LIG1: variants seen among roughly 807,000 people sequenced by gnomAD.
LIG1 encodes the protein DNA ligase 1, also known as ligase I, DNA, ATP-dependent.
A neutral mutation model predicts 115.7 loss-of-function variants in LIG1; 70 were observed. That is an observed-to-expected ratio of 0.60 (90% CI 0.50 to 0.74). The LOEUF is 0.74. Ranked by LOEUF, LIG1 falls within the 30% of genes least tolerant of loss-of-function variation. LIG1 has a pLI of 0.00. For synonymous variants in LIG1, 487 were observed against 495.3 expected, an observed-to-expected ratio of 0.98 and a Z score of 0.22; for missense variants, 1,115 against 1,225.6, an observed-to-expected ratio of 0.91 and a Z score of 1.35.
At chr19:48,130,132 T>C (rs2033921908) in intron 19 of LIG1, among the ~76,000 whole-genome samples, 1 of 152,218 alleles carries the variant, frequency 6.6e-6, no homozygotes, top group Admixed American at 6.5e-5. Flanking sequence ...GTGTATGAAC[T>C]TTTCAAAACT....
chr19:48,161,266 C>A, intron 4 of LIG1, 106 bp downstream of exon 4: 1 of 1,517,024 alleles, frequency 6.6e-7, no homozygotes, highest in Non-Finnish European at 9.2e-7. Flanking sequence ...CTACCTCTCC[C>A]GGGCAATTTC....
At chr19:48,140,602 C>T (rs557593967) in intron 11 of LIG1, among the ~76,000 whole-genome samples, 1 of 152,160 alleles carries the variant, frequency 6.6e-6, no homozygotes, top group Non-Finnish European at 1.5e-5. Context: ...GGTCACGCAG[C>T]CTCTGGCTTC....
intron 25 of LIG1, 71 bp from the exon 26 acceptor site, chr19:48,117,852 TG>T: frequency 6.4e-7 from 1 of 1,559,010 alleles, no homozygotes; most frequent in Non-Finnish European, 8.8e-7. Flanking sequence ...GTTGGAGGGC[TG>T]GGGAGAGGGA....
At chr19:48,141,652 G>A (rs761044807) in intron 11 of LIG1, among the ~76,000 whole-genome samples, 1 of 152,252 alleles carries the variant, frequency 6.6e-6, no homozygotes, top group Non-Finnish European at 1.5e-5. Context: ...AACGAAAACC[G>A]TGTTTCTGTC....
intron 18 of LIG1, 115 bp from the exon 19 acceptor site, chr19:48,131,286 C>T: frequency 1.3e-6 from 1 of 749,804 alleles, no homozygotes. Flanking sequence ...GGAGGAGGAA[C>T]TGGTGCAGAG....
rs567646421 is a variant in LIG1 at position 48,162,502 on chromosome 19, C to T, written c.18-151G>A. 61 of 584,680 alleles carry T rather than the reference C, an allele frequency of 1.0e-4. No homozygotes were observed. In the East Asian group the frequency reaches 1.6e-3, roughly 16 times the overall value. The allele number at this position is 584,680 out of a possible 1,614,324, so 36.2% of individuals were successfully genotyped here. ...AGGCTGGAGTGCAATGGCGCAATCT[C>T]AGCTCACTGCAAGCTCCGCCTCCTG... On this transcript the variant is annotated intron_variant, in intron 2 of 27. Transcript: ENST00000263274.
chr19:48,116,658 G>A (rs1455937331), intron 26 of LIG1, among the ~76,000 whole-genome samples: 1 of 152,056 alleles, frequency 6.6e-6, no homozygotes, highest in African/African-American at 2.4e-5. Context: ...AAATGGAGAT[G>A]TTTGTGTCAC....
At chr19:48,155,991 C>A (rs900016911) in intron 5 of LIG1, among the ~76,000 whole-genome samples, 1 of 152,178 alleles carries the variant, frequency 6.6e-6, no homozygotes, top group Non-Finnish European at 1.5e-5. Flanking sequence ...TAGGCTAGAC[C>A]GGACGGCAAG....
chr19:48,163,221 AAAAAT>A (rs1471640717), intron 2 of LIG1, among the ~76,000 whole-genome samples: 1 of 116,032 alleles, frequency 8.6e-6, no homozygotes, highest in Non-Finnish European at 2.0e-5. Context: ...CCCAGCCTAA[AAAAAT>A]TTTTTTTTTT....
intron 9 of LIG1, chr19:48,145,948 G>A (rs769544585): frequency 4.6e-5 from 7 of 152,234 alleles, no homozygotes; most frequent in African/African-American, 7.2e-5. Flanking sequence ...CCACCTCCCC[G>A]CTTTACTTTT....
chr19:48,128,138 A>G, intron 19 of LIG1, 118 bp from the exon 20 acceptor site: 1 of 793,966 alleles, frequency 1.3e-6, no homozygotes, highest in South Asian at 1.4e-5. Context: ...ACTAACAAAG[A>G]GGCAGGTGCA....
Position 48,140,136 on chromosome 19 carries a change from T to C in LIG1, c.922A>G (p.Met308Val). ...KIEEVSARLRMVETLSNLLRS... is the reference protein window; with the variant it reads ...KIEEVSARLRVVETLSNLLRS... ...AGCAAGTTGCTCAGCGTCTCCACCA[T>C]CCGGAGCCTGGAGGAGGGGACGGGG... is the stretch of plus-strand genomic sequence containing the variant. Residue 308 changes from methionine (M) to valine (V), a missense_variant, in exon 12 of 28, where the codon ATG becomes GTG. Met to Val is a conservative substitution (Grantham distance 21, BLOSUM62 1). Transcript: ENST00000263274. 18 of 1,609,482 alleles carry C rather than the reference T, an allele frequency of 1.1e-5. No individual in the cohort carries two copies. The highest frequency in any genetic ancestry group is 1.5e-5 in the Non-Finnish European group (18 of 1,178,322).
Position 48,161,495 on chromosome 19 carries a change from C to T in LIG1, c.120G>A (p.Lys40=). 6.2e-7 allele frequency: 1 copy of T among 1,614,154 alleles called. No homozygotes were observed. The highest frequency in any genetic ancestry group is 1.3e-5 in the African/African-American group (1 of 75,036). The part of the protein sequence containing the change: ...ETEPPPKAAL[K]EWNGVVSESD... ...TCTCGGACACCACTCCATTCCACTC[C>T]TTCAGTGCCGCCCTGGAAGGTGGGG... The change falls in exon 4 of 28, where the codon AAG becomes AAA. Residue 40 remains lysine, a synonymous_variant. Transcript: ENST00000263274.
Position 48,165,258 on chromosome 19 carries a change from C to CA in LIG1, c.17+291dup, listed in dbSNP as rs914585520. Among the ~76,000 whole-genome samples the CA allele has an allele frequency of 4.9e-3, 697 of 143,082 alleles. 9 individuals carry two copies. Among genetic ancestry groups the CA allele is most frequent in the African/African-American group, 0.015 (604 of 39,130 alleles). 93.9% of individuals were successfully genotyped at this position (143,082 alleles called of 152,430 possible). On this transcript the variant is annotated intron_variant, in intron 2 of 27. Transcript: ENST00000263274. ...TGGGTGACAGAGCAAGACTCCAACTCAAAAAAAAAAAATCTCCAGACGCTG... is the reference window on the plus strand; with the variant it reads ...TGGGTGACAGAGCAAGACTCCAACTCAAAAAAAAAAAAATCTCCAGACGCTG...
At chr19:48,120,815 C>CA (rs1036020999) in intron 24 of LIG1, 878 of 574,624 alleles carry the variant, frequency 1.5e-3, no homozygotes, top group Middle Eastern at 3.0e-3. Context: ...AATGTGGGGA[C>CA]AAAAAAAAAT....
chr19:48,141,773 G>A (rs955145060), intron 11 of LIG1, among the ~76,000 whole-genome samples: 2 of 152,150 alleles, frequency 1.3e-5, no homozygotes, highest in Admixed American at 6.5e-5. Flanking sequence ...AGGTTTTTAA[G>A]GTGCAGAGAA....
rs1481083955 is a variant in LIG1 at position 48,121,227 on chromosome 19, C to T, written c.2328G>A (p.Gly776=). The T allele has an allele frequency of 1.2e-6, 2 of 1,614,024 alleles. No individual in the cohort carries two copies. Among genetic ancestry groups the T allele is most frequent in the Non-Finnish European group, 1.7e-6 (2 of 1,180,008 alleles). The change falls in exon 24 of 28, where the codon GGG becomes GGA. Residue 776 remains glycine, a synonymous_variant. Coordinates refer to ENST00000263274, the MANE Select transcript of LIG1 (RefSeq NM_000234.3). ...CGTCGTAGGAGGCCAGCAGGAAGCC[C>T]CCGTACCGGCCGGCCCGCTTCCCCC... The part of the protein sequence containing the change: ...LGRGKRAGRY[G]GFLLASYDED...
chr19:48,133,613 C>T (rs2034183384), intron 17 of LIG1: 2 of 332,036 alleles, frequency 6.0e-6, no homozygotes, highest in Admixed American at 4.0e-5. Flanking sequence ...TTTTTATTTA[C>T]TTATTTATTG....
At chr19:48,150,949 C>T (rs1345633267) in intron 7 of LIG1, among the ~76,000 whole-genome samples, 7 of 152,036 alleles carry the variant, frequency 4.6e-5, no homozygotes, top group African/African-American at 1.4e-4. Flanking sequence ...AGTCCACCCA[C>T]CTCAGCCTCC....
Sources: gnomAD v4.1 joint callset for allele counts (sites outside exome capture counted in the v4.1 genomes callset) on GRCh38, gnomAD v4.1.1 for gene constraint, MANE v1.5 for transcripts, NCBI Gene and HGNC (gene_info 2026-07-23, HGNC 2026-07-21) for gene names.